Variants in SULF1 observed in about 807,000 individuals in gnomAD.
SULF1 encodes the protein extracellular sulfatase Sulf-1.
In SULF1, 46 loss-of-function variants were observed where a neutral mutation model predicts 110.5. That is an observed-to-expected ratio of 0.42 (90% CI 0.33 to 0.53). The LOEUF is 0.53. Among genes scored for constraint, SULF1 ranks in the 20% least tolerant of loss-of-function variants. The pLI is 0.12. For missense variants in SULF1, 941 were observed against 1,094.2 expected, an observed-to-expected ratio of 0.86 and a Z score of 1.98; for synonymous variants, 371 against 387.1, an observed-to-expected ratio of 0.96 and a Z score of 0.49.
At chr8:69,627,932 A>G in intron 17 of SULF1, 66 bp downstream of exon 17, 2 of 1,217,120 alleles carry the variant, frequency 1.6e-6, no homozygotes, top group Middle Eastern at 1.9e-4. Flanking sequence ...AGGCATTAGC[A>G]CTGGGCTCAT....
Position 69,507,030 on chromosome 8 carries a change from A to G in SULF1, c.-134+5062A>G, listed in dbSNP as rs1425328966. Among the ~76,000 whole-genome samples the G allele has an allele frequency of 2.0e-5, 3 of 152,182 alleles. No individual in the cohort carries two copies. The East Asian group carries it at 5.8e-4, about 29-fold the overall frequency. ...AACTATTTCCCCAAACATCTTGAAG[A>G]CAGGTCAAGAAGTGCAGAATCATTC... On this transcript the variant is annotated intron_variant, in intron 3 of 22. Coordinates refer to ENST00000402687, the MANE Select transcript of SULF1 (RefSeq NM_001128205.2).
chr8:69,493,937 T>A (rs1810137967), intron 1 of SULF1, among the ~76,000 whole-genome samples: 1 of 151,872 alleles, frequency 6.6e-6, no homozygotes, highest in Admixed American at 6.6e-5. Flanking sequence ...TAGAATAACA[T>A]GAAGAAAGAC....
chr8:69,654,252 A>T (rs937132375), intron 22 of SULF1, among the ~76,000 whole-genome samples: 2 of 152,144 alleles, frequency 1.3e-5, no homozygotes, highest in Non-Finnish European at 2.9e-5. Context: ...TCCATTTATG[A>T]CCAAAGTTTT....
chr8:69,492,786 G>C (rs1265889654), upstream of SULF1: 2 of 152,382 alleles, frequency 1.3e-5, no homozygotes, highest in South Asian at 2.1e-4. Context: ...TGGTTCTATG[G>C]GGGTGTGTGA....
At chr8:69,600,561 A>C (rs1328261636) in intron 8 of SULF1, 42 bp from the exon 9 acceptor site, 1 of 1,527,002 alleles carries the variant, frequency 6.5e-7, no homozygotes, top group Non-Finnish European at 8.9e-7. Context: ...TAAAAGACTA[A>C]GTAAGAAATA....
At chr8:69,522,054 GA>G (rs1190903965) in intron 3 of SULF1, among the ~76,000 whole-genome samples, 1 of 149,256 alleles carries the variant, frequency 6.7e-6, no homozygotes, top group Non-Finnish European at 1.5e-5. Context: ...GATCATGGAC[GA>G]TTTTTTTTTT....
chr8:69,545,297 T>G (rs558730915), intron 3 of SULF1, among the ~76,000 whole-genome samples: 2 of 152,200 alleles, frequency 1.3e-5, no homozygotes, highest in Non-Finnish European at 2.9e-5. Context: ...ACTCTTCTGG[T>G]CTGACGTTAA....
chr8:69,491,988 T>G (rs1809963363), upstream of SULF1, among the ~76,000 whole-genome samples: 1 of 146,538 alleles, frequency 6.8e-6, no homozygotes, highest in Non-Finnish European at 1.5e-5. Context: ...AGATGGGAAA[T>G]GGAGAATTGA....
At chr8:69,621,395 A>T (rs1231185803) in intron 14 of SULF1, 144 bp downstream of exon 14, 1 of 551,096 alleles carries the variant, frequency 1.8e-6, no homozygotes, top group East Asian at 2.8e-5. Flanking sequence ...TGCTCTATTT[A>T]AAATAAGAAA....
chr8:69,569,674 C>T (rs973998065), intron 5 of SULF1, among the ~76,000 whole-genome samples: 2 of 152,198 alleles, frequency 1.3e-5, no homozygotes, highest in Non-Finnish European at 2.9e-5. Flanking sequence ...CCTTCACTTG[C>T]CTACCTTATC....
At chr8:69,567,704 A>G (rs1446518995) in intron 5 of SULF1, among the ~76,000 whole-genome samples, 1 of 152,190 alleles carries the variant, frequency 6.6e-6, no homozygotes, top group African/African-American at 2.4e-5. Flanking sequence ...TTCATTGCAT[A>G]TATGTACCAC....
chr8:69,526,866 G>GGA lies in SULF1; in HGVS notation c.-134+24898_-134+24899insGA, dbSNP rs1812731953. ...GGGAGGAAGGAAGGAAGGAAAGAAG[G>GGA]AGGAAGGGAAGGGAAGGGAAGAAAG... On this transcript the variant is annotated intron_variant, in intron 3 of 22. Coordinates refer to ENST00000402687, the MANE Select transcript of SULF1 (RefSeq NM_001128205.2). Among the ~76,000 whole-genome samples the GGA allele has an allele frequency of 4.1e-5, 6 of 147,192 alleles. No individual in the cohort carries two copies. In the South Asian group the frequency reaches 1.1e-3, roughly 27 times the overall value.
In SULF1 at chr8:69,589,028, G is replaced by A. The variant is rs1207558848; in HGVS notation, c.621G>A (p.Lys207=). 14 of 1,614,164 alleles carry A rather than the reference G, an allele frequency of 8.7e-6. No homozygotes were observed. Among genetic ancestry groups the A allele is most frequent in the South Asian group, 3.3e-5 (3 of 91,076 alleles). The change falls in exon 8 of 23, where the codon AAG becomes AAA. Residue 207 remains lysine (K), a synonymous_variant. Transcript: ENST00000402687. The stretch of plus-strand genomic sequence containing the variant: ...GCATTAATTACTTCAAAATGTCTAA[G>A]AGAATGTATCCCCATAGGCCCGTTA... The part of the protein sequence containing the change: ...NESINYFKMS[K]RMYPHRPVMM...
Position 69,651,056 on chromosome 8 carries a change from C to CT in SULF1, c.2586-7434dup, listed in dbSNP as rs1473830022. On this transcript the variant is annotated intron_variant, in intron 22 of 22. Coordinates refer to ENST00000402687, the MANE Select transcript of SULF1 (RefSeq NM_001128205.2). ...CAACATCTATTCTTTTTTTTCTTTT[C>CT]TTTTTTTTTTTTTTTGAGACAGAGT... is the stretch of plus-strand genomic sequence containing the variant. 9.1e-3 allele frequency among the ~76,000 whole-genome samples: 1,245 copies of CT among 137,446 alleles called. 22 individuals are homozygous for CT. Among genetic ancestry groups the CT allele is most frequent in the African/African-American group, 0.018 (636 of 35,702 alleles). The allele number at this position is 137,446 out of a possible 152,430, so 90.2% of individuals were successfully genotyped here.
chr8:69,640,928 G>A (rs918811529), intron 22 of SULF1, 87 bp downstream of exon 22: 58 of 1,327,670 alleles, frequency 4.4e-5, no homozygotes, highest in African/African-American at 5.9e-5. Flanking sequence ...GTTTCTTACC[G>A]TGTTGCACAG....
chr8:69,526,835 AAGGAAGGG>A (rs1448956090), intron 3 of SULF1, among the ~76,000 whole-genome samples: 183 of 134,844 alleles, frequency 1.4e-3, no homozygotes, highest in African/African-American at 5.6e-3. Context: ...GGAAGGAAGG[AAGGAAGGG>A]AGGAAGGAAG....
At chr8:69,635,065 G>A (rs1033231483) in intron 19 of SULF1, among the ~76,000 whole-genome samples, 4 of 152,126 alleles carry the variant, frequency 2.6e-5, no homozygotes, top group African/African-American at 9.7e-5. Flanking sequence ...CAAAGTGCTG[G>A]GATTATAGGC....
At chr8:69,557,708 C>T (rs1815207424) in intron 3 of SULF1, among the ~76,000 whole-genome samples, 1 of 152,204 alleles carries the variant, frequency 6.6e-6, no homozygotes, top group African/African-American at 2.4e-5. Flanking sequence ...CCCTCTCCCT[C>T]ACCATACACC....
intron 7 of SULF1, among the ~76,000 whole-genome samples, 185 bp downstream of exon 7, chr8:69,586,693 G>A (rs1306071860): frequency 1.3e-5 from 2 of 152,164 alleles, no homozygotes; most frequent in Admixed American, 6.5e-5. Context: ...CTGCCTTTGT[G>A]TAGTGATTTC....
Sources: allele counts gnomAD v4.1 joint callset (sites outside exome capture counted in the v4.1 genomes callset), GRCh38; gene constraint gnomAD v4.1.1; transcripts MANE v1.5; gene names NCBI Gene and HGNC (gene_info 2026-07-23, HGNC 2026-07-21).